Variants in FLVCR1 observed in about 807,000 individuals in gnomAD.
The protein encoded by FLVCR1 is choline/ethanolamine transporter FLVCR1.
A neutral mutation model predicts 53.6 loss-of-function variants in FLVCR1; 34 were observed. The observed-to-expected ratio is 0.63, with a 90% CI of 0.48 to 0.84. The LOEUF (loss-of-function observed/expected upper bound fraction) is 0.84. Ranked by LOEUF, FLVCR1 falls within the 40% of genes least tolerant of loss-of-function variation. The pLI, the probability that FLVCR1 is intolerant of heterozygous loss-of-function variation, is 0.00. For synonymous variants in FLVCR1, 300 were observed against 286.3 expected (o/e 1.05, Z -0.48); for missense variants, 677 against 696.7 (o/e 0.97, Z 0.32).
chr1:212,884,887 T>C (rs1665020044), intron 4 of FLVCR1, among the ~76,000 whole-genome samples: 1 of 152,180 alleles, frequency 6.6e-6, no homozygotes, highest in South Asian at 2.1e-4. Flanking sequence ...TATCTAAATA[T>C]ATCTAAACAG....
intron 5 of FLVCR1, among the ~76,000 whole-genome samples, chr1:212,886,806 A>T (rs1665076812): frequency 6.6e-6 from 1 of 152,154 alleles, no homozygotes; most frequent in African/African-American, 2.4e-5. Flanking sequence ...TGTCTAAAAA[A>T]ATAAAAAAAA....
At chr1:212,870,319 T>A (rs1039168607) in intron 2 of FLVCR1, among the ~76,000 whole-genome samples, 2 of 152,224 alleles carry the variant, frequency 1.3e-5, no homozygotes, top group South Asian at 2.1e-4. Context: ...ATTTAAAAAA[T>A]TTTTAGCAGC....
At chr1:212,866,217 T>G (rs1664422291) in intron 2 of FLVCR1, among the ~76,000 whole-genome samples, 1 of 152,038 alleles carries the variant, frequency 6.6e-6, no homozygotes, top group Non-Finnish European at 1.5e-5. Context: ...ACTTCTGACC[T>G]CAGGTGATCT....
At position 212,858,554 on chromosome 1, in the gene FLVCR1, G is replaced by A. The variant is rs1367339396; in HGVS notation, c.102G>A (p.Glu34=). 1.4e-6 allele frequency: 2 copies of A among 1,472,074 alleles called. No individual in the cohort carries two copies. Among genetic ancestry groups the A allele is most frequent in the African/African-American group, 1.4e-5 (1 of 70,896 alleles). 91.2% of individuals were successfully genotyped at this position (1,472,074 alleles called of 1,614,324 possible). A position where few individuals can be genotyped will look rare whatever the true frequency, so the allele number is the denominator to read the frequency against. The change falls in exon 1 of 10, where the codon GAG becomes GAA. Residue 34 remains glutamate, a synonymous_variant. Transcript: ENST00000366971. ...CGAGGGGCGCGCCCGTTGGGAAGGAGAGCGTGGAGCTGCAGAACGGGCCCA... is the reference window on the plus strand; with the variant it reads ...CGAGGGGCGCGCCCGTTGGGAAGGAAAGCGTGGAGCTGCAGAACGGGCCCA... The part of the protein sequence containing the change: ...PLPRGAPVGK[E]SVELQNGPKA...
intron 1 of FLVCR1, 83 bp from the exon 2 acceptor site, chr1:212,863,642 G>A: frequency 8.4e-7 from 1 of 1,193,692 alleles, no homozygotes. Flanking sequence ...AACACTAGCT[G>A]TCCTCTTTAT....
At position 212,882,424 on chromosome 1, in the gene FLVCR1, C is replaced by G. The variant is rs1664954671; in HGVS notation, c.1025-947C>G. The stretch of plus-strand genomic sequence containing the variant: ...ATATTTATATACTTACAGAATACTT[C>G]TAATTGTTTATGAATATGCATATAT... On this transcript the variant is annotated intron_variant, in intron 3 of 9. Transcript: ENST00000366971. 3.9e-5 allele frequency among the ~76,000 whole-genome samples: 6 copies of G among 152,014 alleles called. No individual in the cohort carries two copies. The South Asian group carries it at 1.2e-3, about 32-fold the overall frequency.
At chr1:212,877,347 G>C (rs575371642) in intron 3 of FLVCR1, among the ~76,000 whole-genome samples, 3 of 151,626 alleles carry the variant, frequency 2.0e-5, no homozygotes, top group African/African-American at 4.8e-5. Context: ...CGAGTAGCTG[G>C]GACTACAGGC....
intron 2 of FLVCR1, chr1:212,869,997 CTA>C (rs757385724): frequency 1.5e-4 from 23 of 152,122 alleles, no homozygotes; most frequent in Non-Finnish European, 2.8e-4. Context: ...TGTTTTATAA[CTA>C]TGTGAGTTCT....
intron 1 of FLVCR1, among the ~76,000 whole-genome samples, chr1:212,861,731 G>A (rs548408976): frequency 4.0e-5 from 6 of 151,822 alleles, no homozygotes; most frequent in East Asian, 1.9e-4. Flanking sequence ...GTGCAGTGGC[G>A]CGATCTTGGC....
chr1:212,871,034 T>G (rs1324682790), intron 2 of FLVCR1, among the ~76,000 whole-genome samples: 1 of 152,216 alleles, frequency 6.6e-6, no homozygotes, highest in Non-Finnish European at 1.5e-5. Flanking sequence ...CCTCCCAAAG[T>G]GCTGGGATTA....
chr1:212,869,549 T>C (rs1287105546), intron 2 of FLVCR1, among the ~76,000 whole-genome samples: 1 of 152,234 alleles, frequency 6.6e-6, no homozygotes, highest in Non-Finnish European at 1.5e-5. Flanking sequence ...TATTTTCTTT[T>C]CTTTTCATTT....
intron 2 of FLVCR1, chr1:212,864,622 T>C (rs1664353819): frequency 6.6e-6 from 1 of 152,238 alleles, no homozygotes; most frequent in African/African-American, 2.4e-5. Context: ...AACTATAATA[T>C]TGCCCTTTAG....
At chr1:212,870,370 T>G (rs569714470) in intron 2 of FLVCR1, among the ~76,000 whole-genome samples, 4 of 152,338 alleles carry the variant, frequency 2.6e-5, no homozygotes, top group African/African-American at 9.6e-5. Flanking sequence ...CATGGAAATT[T>G]TAAGGGTCAT....
intron 8 of FLVCR1, among the ~76,000 whole-genome samples, chr1:212,894,718 G>T (rs1665288795): frequency 6.6e-6 from 1 of 152,062 alleles, no homozygotes; most frequent in Non-Finnish European, 1.5e-5. Context: ...AGTTTCCCTA[G>T]ATTGGAGAGT....
rs1379156174 is a variant in FLVCR1 at position 212,895,890 on chromosome 1, TA to T, written c.*601del. 1 of 154,590 alleles carries T rather than the reference TA, an allele frequency of 6.5e-6. No individual in the cohort carries two copies. The highest frequency in any genetic ancestry group is 2.4e-5 in the African/African-American group (1 of 41,462). 9.6% of individuals were successfully genotyped at this position (154,590 alleles called of 1,614,324 possible). The stretch of plus-strand genomic sequence containing the variant: ...TTTTTCCCATTTATTGTACTCTTGT[TA>T]CAAAGTACTTTTTAACACATGCAGT... On this transcript the variant is annotated 3_prime_UTR_variant, in exon 10 of 10. Transcript: ENST00000366971.
intron 2 of FLVCR1, among the ~76,000 whole-genome samples, chr1:212,868,047 C>T (rs1485332142): frequency 6.6e-6 from 1 of 152,018 alleles, no homozygotes; most frequent in Non-Finnish European, 1.5e-5. Context: ...TCATGATTCG[C>T]CCACCTCAGC....
Position 212,858,530 on chromosome 1 carries a change from G to A in FLVCR1, c.78G>A (p.Pro26=). Residue 26 remains proline (P), a synonymous_variant, in exon 1 of 10, where the codon CCG becomes CCA. Coordinates refer to ENST00000366971, the MANE Select transcript of FLVCR1 (RefSeq NM_014053.4). ...HPLAKGYLPL[P]RGAPVGKESV... ...TCGCGAAAGGATACCTCCCGTTGCC[G>A]AGGGGCGCGCCCGTTGGGAAGGAGA... The A allele has an allele frequency of 2.1e-6, 3 of 1,461,088 alleles. No homozygotes were observed. Among genetic ancestry groups the A allele is most frequent in the Non-Finnish European group, 2.7e-6 (3 of 1,108,696 alleles). The allele number at this position is 1,461,088 out of a possible 1,614,324, so 90.5% of individuals were successfully genotyped here. A position where few individuals can be genotyped will look rare whatever the true frequency, so the allele number is the denominator to read the frequency against.
chr1:212,895,679 G>A lies in FLVCR1; in HGVS notation c.*389G>A, dbSNP rs12077738. On this transcript the variant is annotated 3_prime_UTR_variant, in exon 10 of 10. Coordinates refer to ENST00000366971, the MANE Select transcript of FLVCR1 (RefSeq NM_014053.4). ...TGTTCAGTCCCCATAAGATATAATA[G>A]TTCATGCAGTTTATATATTAAAGTA... The A allele has an allele frequency of 7.4e-6, 2 of 272,012 alleles. No individual in the cohort carries two copies. Among genetic ancestry groups the A allele is most frequent in the Non-Finnish European group, 1.4e-5 (2 of 140,498 alleles). The allele number at this position is 272,012 out of a possible 1,614,324, so 16.8% of individuals were successfully genotyped here. A position where few individuals can be genotyped will look rare whatever the true frequency, so the allele number is the denominator to read the frequency against.
intron 1 of FLVCR1, among the ~76,000 whole-genome samples, chr1:212,862,797 C>G (rs768137510): frequency 7.9e-5 from 12 of 152,158 alleles, no homozygotes; most frequent in Admixed American, 7.9e-4. Flanking sequence ...ATAGTCCCAC[C>G]AGCCGTATTC....
Sources: gnomAD v4.1 joint callset for allele counts (sites outside exome capture counted in the v4.1 genomes callset) on GRCh38, gnomAD v4.1.1 for gene constraint, MANE v1.5 for transcripts, NCBI Gene and HGNC (gene_info 2026-07-23, HGNC 2026-07-21) for gene names.